FBXL7: variants seen among roughly 807,000 people sequenced by gnomAD.
The protein encoded by FBXL7 is F-box and leucine rich repeat protein 7, also known as F-box/LRR-repeat protein 7.
A neutral mutation model predicts 38.3 loss-of-function variants in FBXL7; 12 were observed. The ratio of observed to expected loss-of-function variants is 0.31; its 90% CI spans 0.20 to 0.51. FBXL7 has a LOEUF of 0.51. Ranked by LOEUF, FBXL7 falls within the 20% of genes least tolerant of loss-of-function variation. The probability of loss-of-function intolerance (pLI) is 0.98; values close to 1 mark genes in which losing one functional copy is unlikely to be tolerated. For synonymous variants in FBXL7, 297 were observed against 300.9 expected, an observed-to-expected ratio of 0.99 and a Z score of 0.13; for missense variants, 567 against 676.4, an observed-to-expected ratio of 0.84 and a Z score of 1.79.
intron 2 of FBXL7, among the ~76,000 whole-genome samples, chr5:15,658,048 T>C (rs1380888883): frequency 6.6e-6 from 1 of 151,920 alleles, no homozygotes; most frequent in Non-Finnish European, 1.5e-5. Context: ...TGATGAGAAC[T>C]AGGAGGTGCT....
At chr5:15,631,226 G>A (rs1451808784) in intron 2 of FBXL7, among the ~76,000 whole-genome samples, 1 of 152,104 alleles carries the variant, frequency 6.6e-6, no homozygotes, top group African/African-American at 2.4e-5. Flanking sequence ...TATGGACACT[G>A]AATTCAATTC....
At chr5:15,500,742 C>G (rs770999981) in intron 1 of FBXL7, 29 bp downstream of exon 1, 2 of 1,601,624 alleles carry the variant, frequency 1.2e-6, no homozygotes, top group Admixed American at 3.4e-5. Context: ...CTCAGACTCC[C>G]GGATCGCGTC....
At chr5:15,790,235 T>C (rs1579464541) in intron 2 of FBXL7, among the ~76,000 whole-genome samples, 1 of 152,216 alleles carries the variant, frequency 6.6e-6, no homozygotes, top group Non-Finnish European at 1.5e-5. Flanking sequence ...TATCTAGTTA[T>C]AAGGATGCTG....
intron 2 of FBXL7, among the ~76,000 whole-genome samples, chr5:15,753,466 A>G (rs939704571): frequency 2.0e-5 from 3 of 152,210 alleles, no homozygotes; most frequent in African/African-American, 7.2e-5. Context: ...AAATATGCAC[A>G]CAAGACAAGT....
intron 2 of FBXL7, among the ~76,000 whole-genome samples, chr5:15,896,176 C>T (rs1167089943): frequency 6.6e-6 from 1 of 152,014 alleles, no homozygotes; most frequent in African/African-American, 2.4e-5. Context: ...AGGCATATGC[C>T]ACCATGCCTG....
intron 2 of FBXL7, among the ~76,000 whole-genome samples, chr5:15,890,230 C>A (rs1740844001): frequency 6.6e-6 from 1 of 151,988 alleles, no homozygotes; most frequent in South Asian, 2.1e-4. Context: ...CCTGTCAGAT[C>A]AGCAGGGGCA....
At chr5:15,768,097 T>C (rs1294333625) in intron 2 of FBXL7, among the ~76,000 whole-genome samples, 2 of 152,182 alleles carry the variant, frequency 1.3e-5, no homozygotes, top group Non-Finnish European at 2.9e-5. Context: ...GCAGGAATGG[T>C]TGTTGTTTGT....
intron 2 of FBXL7, among the ~76,000 whole-genome samples, chr5:15,861,681 G>C (rs1739479226): frequency 6.6e-6 from 1 of 152,178 alleles, no homozygotes; most frequent in South Asian, 2.1e-4. Flanking sequence ...AGAGAGAGCT[G>C]GTAGCATAGT....
rs1741964084 is a variant in FBXL7, at chr5:15,928,788, G to A, written c.739+287G>A. ...GCAGGTTAGTTACATATGTATACAT[G>A]TGCCATGTTGGTGTGCTGCACCCAT... On this transcript the variant is annotated intron_variant, in intron 3 of 3. Coordinates refer to ENST00000504595, the MANE Select transcript of FBXL7 (RefSeq NM_012304.5). This position sits in a 1 kb window ranked among gnomAD's most constrained non-coding sequence, Gnocchi z 4.0. 6.6e-6 allele frequency among the ~76,000 whole-genome samples: 1 copy of A among 152,068 alleles called. No homozygotes were observed. Among genetic ancestry groups the A allele is most frequent in the South Asian group, 2.1e-4 (1 of 4,826 alleles).
chr5:15,710,994 A>G lies in FBXL7; in HGVS notation c.127+94922A>G, dbSNP rs1442730674. 1.1e-4 allele frequency among the ~76,000 whole-genome samples: 17 copies of G among 152,144 alleles called. No homozygotes were observed. In the South Asian group the frequency reaches 2.5e-3, roughly 22 times the overall value. ...TATGGGGGTGAGTCTTTCTCAAGAA[A>G]TGCTGTTCTCTTGATAAGTTTCACG... On this transcript the variant is annotated intron_variant, in intron 2 of 3. Transcript: ENST00000504595.
rs986709997 is a variant in FBXL7, at chr5:15,928,711, T to A, written c.739+210T>A. Among the ~76,000 whole-genome samples the A allele has an allele frequency of 4.6e-5, 7 of 152,092 alleles. No individual in the cohort carries two copies. Among genetic ancestry groups the A allele is most frequent in the African/African-American group, 1.7e-4 (7 of 41,416 alleles). On this transcript the variant is annotated intron_variant, in intron 3 of 3. Transcript: ENST00000504595. The surrounding 1 kb of genome is among the most constrained non-coding windows in gnomAD (Gnocchi z 4.0). ...TCCCTTTCATCAAATAATGTCCACTTCTTTTTTTTTTATTATTATACTTTA... is the reference window on the plus strand; with the variant it reads ...TCCCTTTCATCAAATAATGTCCACTACTTTTTTTTTTATTATTATACTTTA...
chr5:15,596,314 T>C (rs1739624121), intron 1 of FBXL7, among the ~76,000 whole-genome samples: 1 of 152,164 alleles, frequency 6.6e-6, no homozygotes, highest in African/African-American at 2.4e-5. Flanking sequence ...ATAGAGTCTT[T>C]TTTGTTTTTA....
intron 1 of FBXL7, among the ~76,000 whole-genome samples, chr5:15,549,099 C>T (rs1169472192): frequency 6.6e-6 from 1 of 152,134 alleles, no homozygotes; most frequent in East Asian, 1.9e-4. Flanking sequence ...AAAGGGGAGG[C>T]AGGTTTATGT....
At chr5:15,858,574 T>G (rs1374449496) in intron 2 of FBXL7, among the ~76,000 whole-genome samples, 1 of 152,190 alleles carries the variant, frequency 6.6e-6, no homozygotes, top group Non-Finnish European at 1.5e-5. Context: ...TAAATTTTAT[T>G]TGCAAGAGAT....
At chr5:15,877,036 G>A (rs1218014916) in intron 2 of FBXL7, among the ~76,000 whole-genome samples, 5 of 152,120 alleles carry the variant, frequency 3.3e-5, no homozygotes, top group East Asian at 1.9e-4. Flanking sequence ...AGATATCAGC[G>A]TTTATTCCAA....
intron 2 of FBXL7, among the ~76,000 whole-genome samples, chr5:15,712,288 T>C (rs908464403): frequency 2.0e-5 from 3 of 151,658 alleles, no homozygotes; most frequent in Non-Finnish European, 2.9e-5. Context: ...ATCTCCAGTA[T>C]TGGAAAAGAT....
intron 2 of FBXL7, among the ~76,000 whole-genome samples, chr5:15,773,726 C>T (rs1736788676): frequency 6.6e-6 from 1 of 152,004 alleles, no homozygotes; most frequent in South Asian, 2.1e-4. Context: ...TACAGAATTC[C>T]ATACTGGATT....
intron 2 of FBXL7, among the ~76,000 whole-genome samples, chr5:15,666,111 G>T (rs1193235789): frequency 1.3e-5 from 2 of 152,058 alleles, no homozygotes; most frequent in South Asian, 2.1e-4. Flanking sequence ...GCCCAAAATA[G>T]CTCCTCCTAA....
At chr5:15,895,789 G>A (rs1262233392) in intron 2 of FBXL7, among the ~76,000 whole-genome samples, 1 of 149,488 alleles carries the variant, frequency 6.7e-6, no homozygotes, top group African/African-American at 2.5e-5. Context: ...GACTACAGGT[G>A]CCCGCCACCA....
Sources: gnomAD v4.1 joint callset for allele counts (sites outside exome capture counted in the v4.1 genomes callset) on GRCh38, gnomAD v4.1.1 for gene constraint, Gnocchi (gnomAD v3.1) non-coding constraint, MANE v1.5 for transcripts, NCBI Gene and HGNC (gene_info 2026-07-23, HGNC 2026-07-21) for gene names.